Variants in FHOD3 observed in about 807,000 individuals in gnomAD.
FHOD3 encodes FH1/FH2 domain-containing protein 3.
In FHOD3, 90 loss-of-function variants were observed where a neutral mutation model predicts 173.0. The observed-to-expected ratio is 0.52, with a 90% CI of 0.44 to 0.62. The LOEUF (loss-of-function observed/expected upper bound fraction) is 0.62, where lower values mean the gene tolerates loss of function less well. Ranked by LOEUF, FHOD3 falls within the 20% of genes least tolerant of loss-of-function variation. FHOD3 has a pLI of 0.00. For missense variants in FHOD3, 1,945 were observed against 2,034.7 expected (o/e 0.96, Z 0.85); for synonymous variants, 828 against 823.0 (o/e 1.01, Z -0.10).
At chr18:36,548,643 A>G (rs1287757994) in intron 5 of FHOD3, among the ~76,000 whole-genome samples, 2 of 152,158 alleles carry the variant, frequency 1.3e-5, no homozygotes, top group African/African-American at 4.8e-5. Flanking sequence ...GTCACTATGC[A>G]TTAGATTGTA....
In FHOD3 at chr18:36,652,916, C is replaced by T; in HGVS notation, c.1633C>T (p.Gln545Ter). Residue 545 changes from glutamine to a stop codon, truncating the protein, a stop_gained, in exon 12 of 29, where the codon CAG becomes TAG. Transcript: ENST00000590592. LOFTEE classifies it high-confidence loss of function. ...LSTKEKEAESQKENSSSDSFS... is the reference protein window; with the variant it reads ...LSTKEKEAES ...CACCAAGGAGAAGGAAGCAGAGTCC[C>T]AGAAGGAAAACAGGTAGATTTGCTC... 6.5e-7 allele frequency: 1 copy of T among 1,531,834 alleles called. No homozygotes were observed. Among genetic ancestry groups the T allele is most frequent in the South Asian group, 1.2e-5 (1 of 83,868 alleles). 94.9% of individuals were successfully genotyped at this position (1,531,834 alleles called of 1,614,324 possible).
chr18:36,587,519 C>T (rs142273040), intron 6 of FHOD3, among the ~76,000 whole-genome samples: 15 of 152,164 alleles, frequency 9.9e-5, no homozygotes, highest in Non-Finnish European at 1.9e-4. Flanking sequence ...CAGCCAGGCG[C>T]GGTGGCTCAC....
chr18:36,562,998 C>T (rs993625787), intron 5 of FHOD3, among the ~76,000 whole-genome samples: 5 of 152,140 alleles, frequency 3.3e-5, no homozygotes, highest in Admixed American at 6.5e-5. Flanking sequence ...ATCATGTAAT[C>T]GCAGGACACA....
At chr18:36,530,911 C>CTG (rs1446644735) in intron 5 of FHOD3, among the ~76,000 whole-genome samples, 4 of 152,176 alleles carry the variant, frequency 2.6e-5, no homozygotes, top group Non-Finnish European at 5.9e-5. Flanking sequence ...CGGTGAGTGA[C>CTG]TGTGTGACTG....
At chr18:36,574,353 A>G (rs1035312004) in intron 5 of FHOD3, among the ~76,000 whole-genome samples, 1 of 152,258 alleles carries the variant, frequency 6.6e-6, no homozygotes, top group African/African-American at 2.4e-5. Context: ...TTGTTTTATT[A>G]TAGTGAGAGT....
At chr18:36,299,416 G>A (rs1251614791) in intron 1 of FHOD3, among the ~76,000 whole-genome samples, 2 of 152,180 alleles carry the variant, frequency 1.3e-5, no homozygotes, top group Non-Finnish European at 2.9e-5. Flanking sequence ...TCAGTGAAAA[G>A]TTTTCAAAGA....
At chr18:36,417,465 A>G (rs1037043203) in intron 3 of FHOD3, among the ~76,000 whole-genome samples, 5 of 152,154 alleles carry the variant, frequency 3.3e-5, no homozygotes, top group South Asian at 2.1e-4. Context: ...TATCCAGTCT[A>G]TCATTCATGG....
intron 1 of FHOD3, among the ~76,000 whole-genome samples, chr18:36,324,841 C>G (rs1190983282): frequency 1.3e-5 from 2 of 152,146 alleles, no homozygotes; most frequent in Non-Finnish European, 2.9e-5. Flanking sequence ...AATAAAAACT[C>G]GACACCTTTG....
intron 28 of FHOD3, 62 bp downstream of exon 28, chr18:36,769,488 G>A (rs1049690841): frequency 7.3e-5 from 113 of 1,555,380 alleles, no homozygotes; most frequent in Non-Finnish European, 9.7e-5. Flanking sequence ...CCCATTCTAC[G>A]TGAACTGGGA....
intron 3 of FHOD3, among the ~76,000 whole-genome samples, chr18:36,450,240 A>T (rs1265264475): frequency 6.6e-6 from 1 of 152,150 alleles, no homozygotes; most frequent in African/African-American, 2.4e-5. Flanking sequence ...TTGATAAAGG[A>T]AATAAAATTC....
At chr18:36,521,145 A>T (rs772620840) in intron 5 of FHOD3, among the ~76,000 whole-genome samples, 66 of 152,204 alleles carry the variant, frequency 4.3e-4, no homozygotes, top group Non-Finnish European at 8.2e-4. Flanking sequence ...AGGAAATATC[A>T]GTTGGTGTGT....
At chr18:36,533,763 C>G (rs1012670115) in intron 5 of FHOD3, among the ~76,000 whole-genome samples, 3 of 152,082 alleles carry the variant, frequency 2.0e-5, no homozygotes, top group African/African-American at 7.2e-5. Flanking sequence ...GGTAAGAAAA[C>G]CTGATGAAAG....
At chr18:36,477,860 T>C (rs2053677912) in intron 3 of FHOD3, among the ~76,000 whole-genome samples, 1 of 152,014 alleles carries the variant, frequency 6.6e-6, no homozygotes, top group Non-Finnish European at 1.5e-5. Context: ...GGAGCAAAGA[T>C]GGCAGAGTCT....
At chr18:36,382,874 G>C (rs750827721) in intron 3 of FHOD3, among the ~76,000 whole-genome samples, 5 of 152,178 alleles carry the variant, frequency 3.3e-5, no homozygotes, top group Non-Finnish European at 7.3e-5. Flanking sequence ...TTCTAGCTTT[G>C]ATGTTTGGGC....
intron 17 of FHOD3, among the ~76,000 whole-genome samples, chr18:36,696,370 A>G (rs1421854134): frequency 1.3e-5 from 2 of 152,188 alleles, no homozygotes; most frequent in Non-Finnish European, 2.9e-5. Flanking sequence ...AAAAACTAAT[A>G]TTTGTTATTG....
chr18:36,497,794 A>G (rs1052953018), intron 3 of FHOD3, among the ~76,000 whole-genome samples: 2 of 152,228 alleles, frequency 1.3e-5, no homozygotes, highest in Non-Finnish European at 2.9e-5. Flanking sequence ...AATCTATAGA[A>G]CAAGTAAATG....
At chr18:36,304,369 T>C (rs2144496428) in intron 1 of FHOD3, among the ~76,000 whole-genome samples, 1 of 152,298 alleles carries the variant, frequency 6.6e-6, no homozygotes, top group South Asian at 2.1e-4. Context: ...AGTTGGATTA[T>C]AGGTATGTGG....
At position 36,323,271 on chromosome 18, in the gene FHOD3, C is replaced by T. The variant is rs78982678; in HGVS notation, c.165+25271C>T. ...AGGCCAGCAACGGGGAATGCCTCCACGTAACACCAGGGCAAAGAAGACACT... is the reference window on the plus strand; with the variant it reads ...AGGCCAGCAACGGGGAATGCCTCCATGTAACACCAGGGCAAAGAAGACACT... On this transcript the variant is annotated intron_variant, in intron 1 of 28. Transcript: ENST00000590592. Among the ~76,000 whole-genome samples, 1,492 of 152,304 alleles carry T rather than the reference C, an allele frequency of 9.8e-3. 21 individuals carry two copies. Among genetic ancestry groups the T allele is most frequent in the African/African-American group, 0.034 (1,396 of 41,568 alleles).
chr18:36,743,839 G>A (rs558184475), intron 22 of FHOD3, among the ~76,000 whole-genome samples, 193 bp from the exon 23 acceptor site: 2 of 152,310 alleles, frequency 1.3e-5, no homozygotes, highest in East Asian at 3.9e-4. Context: ...GAAAGGGCTA[G>A]AGGCTCCCTC....
Sources: allele counts gnomAD v4.1 joint callset (sites outside exome capture counted in the v4.1 genomes callset), GRCh38; gene constraint gnomAD v4.1.1; transcripts MANE v1.5; gene names NCBI Gene and HGNC (gene_info 2026-07-23, HGNC 2026-07-21).